Variants in DSTYK observed in about 807,000 individuals in gnomAD.
DSTYK encodes dual serine/threonine and tyrosine protein kinase.
Under a neutral mutation model 98.7 loss-of-function variants are expected in DSTYK, and 34 were observed. That is an observed-to-expected ratio of 0.34 (90% CI 0.26 to 0.46). The LOEUF (loss-of-function observed/expected upper bound fraction) is 0.46. Among genes scored for constraint, DSTYK ranks in the 20% least tolerant of loss-of-function variants. The probability of loss-of-function intolerance (pLI) is 1.00; values close to 1 mark genes in which losing one functional copy is unlikely to be tolerated. For missense variants in DSTYK, 962 were observed against 1,181.7 expected, an observed-to-expected ratio of 0.81 and a Z score of 2.73; for synonymous variants, 462 against 457.3, an observed-to-expected ratio of 1.01 and a Z score of -0.13.
chr1:205,203,608 C>G (rs1659114425), intron 1 of DSTYK, among the ~76,000 whole-genome samples: 1 of 138,022 alleles, frequency 7.2e-6, no homozygotes. Flanking sequence ...CAGAATTTCC[C>G]AATGTTTTTT....
At position 205,158,439 on chromosome 1, in the gene DSTYK, T is replaced by C. The variant is rs16855191; in HGVS notation, c.2239-1053A>G. On this transcript the variant is annotated intron_variant, in intron 9 of 12. Transcript: ENST00000367162. ...AACAGACAAAAGAAACCTCTCTAAT[T>C]CCCTCTTGGTGGTTTAGATAAGGGA... 8.4e-3 allele frequency among the ~76,000 whole-genome samples: 1,278 copies of C among 151,934 alleles called. 21 individuals are homozygous for C. Among genetic ancestry groups the C allele is most frequent in the African/African-American group, 0.029 (1,217 of 41,432 alleles).
rs995117449 is a variant in DSTYK at position 205,145,529 on chromosome 1, T to G, written c.*2029A>C. ...TGCGACTCATCTTTGTTTTTTGTTT[T>G]TTTTTTTGTTTTTTTTTGAGATAGA... On this transcript the variant is annotated 3_prime_UTR_variant, in exon 13 of 13. Transcript: ENST00000367162. The G allele has an allele frequency of 1.5e-5, 2 of 132,340 alleles. No individual in the cohort carries two copies. The highest frequency in any genetic ancestry group is 2.8e-4 in the East Asian group (1 of 3,512). The allele number at this position is 132,340 out of a possible 1,614,324, so 8.2% of individuals were successfully genotyped here.
intron 1 of DSTYK, among the ~76,000 whole-genome samples, chr1:205,188,793 A>T (rs904746949): frequency 2.0e-5 from 3 of 152,238 alleles, no homozygotes; most frequent in Non-Finnish European, 4.4e-5. Context: ...ACAACGTCCC[A>T]GCTGCCAAGT....
rs550614751 is a variant in DSTYK, at chr1:205,186,997, A to G, written c.654+421T>C. On this transcript the variant is annotated intron_variant, in intron 2 of 12. Coordinates refer to ENST00000367162, the MANE Select transcript of DSTYK (RefSeq NM_015375.3). ...AATTCTTCACTTGGTCTCAATTCCA[A>G]TAAGAACAATACTCATCCATCATCT... Among the ~76,000 whole-genome samples, 4 of 152,358 alleles carry G rather than the reference A, an allele frequency of 2.6e-5. No homozygotes were observed. The East Asian group carries it at 5.8e-4, about 22-fold the overall frequency.
rs905032430 is a variant in DSTYK, at chr1:205,190,651, C to A, written c.266-2845G>T. On this transcript the variant is annotated intron_variant, in intron 1 of 12. Coordinates refer to ENST00000367162, the MANE Select transcript of DSTYK (RefSeq NM_015375.3). ...AAAAAAAAAAAACCCAAGAGTAGGA[C>A]CCTTCCATTCATCTTGTGGAATTTA... Among the ~76,000 whole-genome samples, 3 of 148,616 alleles carry A rather than the reference C, an allele frequency of 2.0e-5. No individual in the cohort carries two copies. The East Asian group carries it at 5.9e-4, about 29-fold the overall frequency.
At chr1:205,155,123 T>C (rs905350929) in intron 10 of DSTYK, among the ~76,000 whole-genome samples, 1 of 151,990 alleles carries the variant, frequency 6.6e-6, no homozygotes, top group African/African-American at 2.4e-5. Context: ...TAGCTGGGAC[T>C]ACAGGTGTGT....
intron 1 of DSTYK, among the ~76,000 whole-genome samples, chr1:205,195,010 A>G (rs1194248632): frequency 2.8e-5 from 3 of 107,166 alleles, no homozygotes; most frequent in Non-Finnish European, 5.8e-5. Flanking sequence ...TTTTTTTTGT[A>G]TAGACAGGAT....
At chr1:205,195,386 A>G (rs1658836915) in intron 1 of DSTYK, among the ~76,000 whole-genome samples, 1 of 152,226 alleles carries the variant, frequency 6.6e-6, no homozygotes, top group Non-Finnish European at 1.5e-5. Flanking sequence ...CAAGCTTCAA[A>G]GTACTAAGCT....
rs1657676684 is a variant in DSTYK, at chr1:205,160,241, G to A, written c.1978C>T (p.Arg660Trp). 3.7e-6 allele frequency: 6 copies of A among 1,614,008 alleles called. No homozygotes were observed. The highest frequency in any genetic ancestry group is 1.7e-5 in the Admixed American group (1 of 59,990). ...RKPKLGQELG[R>W]GQYGVVYLCD... ...AGGTATACCACACCATACTGGCCCC[G>A]GCCCAGTTCCTGTCCCAGTTTAGGT... Residue 660 changes from arginine (R) to tryptophan (W), a missense_variant, in exon 8 of 13, where the codon CGG becomes TGG. Coordinates refer to ENST00000367162, the MANE Select transcript of DSTYK (RefSeq NM_015375.3).
In DSTYK at chr1:205,142,886, C is replaced by G. The variant is rs1229556750; in HGVS notation, c.*4672G>C. The G allele has an allele frequency of 6.6e-6, 1 of 152,208 alleles. No individual in the cohort carries two copies. The highest frequency in any genetic ancestry group is 1.9e-4 in the East Asian group (1 of 5,194). 9.4% of individuals were successfully genotyped at this position (152,208 alleles called of 1,614,324 possible). On this transcript the variant is annotated 3_prime_UTR_variant, in exon 13 of 13. Transcript: ENST00000367162. Reference sequence around the variant, plus strand: ...ACAACAGGCTGCCCAGACCAATTTTCTTTTCAACTATCTGGGCAAGGTGGC... The same window carrying G: ...ACAACAGGCTGCCCAGACCAATTTTGTTTTCAACTATCTGGGCAAGGTGGC...
intron 2 of DSTYK, among the ~76,000 whole-genome samples, chr1:205,175,376 G>A (rs1658199441): frequency 6.6e-6 from 1 of 152,196 alleles, no homozygotes. Flanking sequence ...ACAGGCGTGA[G>A]CCACCGTGCC....
At position 205,169,613 on chromosome 1, in the gene DSTYK, A is replaced by T. The variant is rs1225386308; in HGVS notation, c.874T>A (p.Ser292Thr). 3 of 1,614,122 alleles carry T rather than the reference A, an allele frequency of 1.9e-6. No homozygotes were observed. The highest frequency in any genetic ancestry group is 2.5e-6 in the Non-Finnish European group (3 of 1,180,048). The change falls in exon 3 of 13, where the codon TCA (serine) becomes ACA (threonine). Residue 292 changes from serine to threonine, a missense_variant. Physicochemically the swap from Ser to Thr is moderately conservative, Grantham distance 58 (BLOSUM62 1). Around this residue, in one of 4 missense-constraint regions of DSTYK, gnomAD observed 660 missense variants for 855.0 expected, o/e 0.77. Coordinates refer to ENST00000367162, the MANE Select transcript of DSTYK (RefSeq NM_015375.3). The surrounding 1 kb of genome is among the most constrained non-coding windows in gnomAD (Gnocchi z 4.0). ...CTTTCGCTCTCCATTCTCCTGGTTG[A>T]GGAGTCTATTATCTCCGAGCCCAGT... Reference protein sequence around the residue: ...PKLGSEIIDSSTRRMESERSP... With the variant: ...PKLGSEIIDSTTRRMESERSP...
chr1:205,171,155 C>A (rs1658051454), intron 2 of DSTYK, among the ~76,000 whole-genome samples: 1 of 151,738 alleles, frequency 6.6e-6, no homozygotes, highest in Non-Finnish European at 1.5e-5. Context: ...AAGTGAGTTT[C>A]GAGAATGATC....
rs1657249104 is a variant in DSTYK, at chr1:205,146,745, G to T, written c.*813C>A. 1 of 151,480 alleles carries T rather than the reference G, an allele frequency of 6.6e-6. No homozygotes were observed. Among genetic ancestry groups the T allele is most frequent in the African/African-American group, 2.4e-5 (1 of 41,072 alleles). 9.4% of individuals were successfully genotyped at this position (151,480 alleles called of 1,614,324 possible). A position where few individuals can be genotyped will look rare whatever the true frequency, so the allele number is the denominator to read the frequency against. On this transcript the variant is annotated 3_prime_UTR_variant, in exon 13 of 13. Coordinates refer to ENST00000367162, the MANE Select transcript of DSTYK (RefSeq NM_015375.3). Reference sequence around the variant, plus strand: ...CACCACCACGCCCGGCTAATTTTTTGTATCTTTAGTAGAGACGGGGTTTCA... The same window carrying T: ...CACCACCACGCCCGGCTAATTTTTTTTATCTTTAGTAGAGACGGGGTTTCA...
At chr1:205,148,384 G>A (rs367954639) in intron 11 of DSTYK, 45 bp from the exon 12 acceptor site, 234 of 1,606,242 alleles carry the variant, frequency 1.5e-4, no homozygotes, top group Non-Finnish European at 1.9e-4. Flanking sequence ...CAGAGAGTCA[G>A]GCAGCAGCAT....
At position 205,179,261 on chromosome 1, in the gene DSTYK, A is replaced by T. The variant is rs545135135; in HGVS notation, c.654+8157T>A. ...AAGACAATGTTTAAACAGTCATTGA[A>T]GGCCCACTGTGTGTCAAGCACTGTC... On this transcript the variant is annotated intron_variant, in intron 2 of 12. Transcript: ENST00000367162. 3.3e-5 allele frequency among the ~76,000 whole-genome samples: 5 copies of T among 152,286 alleles called. No homozygotes were observed. In the East Asian group the frequency reaches 9.7e-4, roughly 29 times the overall value.
At position 205,210,623 on chromosome 1, in the gene DSTYK, G is replaced by A. The variant is rs150055633; in HGVS notation, c.265+648C>T. ...GAGTAGCTAGTTCTCCATTGGCTCA[G>A]GACCAAAATGATCCCTTCCCTCTCT... On this transcript the variant is annotated intron_variant, in intron 1 of 12. Transcript: ENST00000367162. 1.4e-4 allele frequency among the ~76,000 whole-genome samples: 22 copies of A among 152,300 alleles called. No homozygotes were observed. The East Asian group carries it at 4.2e-3, about 29-fold the overall frequency.
rs1657998100 is a variant in DSTYK, at chr1:205,169,713, A to G, written c.774T>C (p.Ser258=). 6.2e-7 allele frequency: 1 copy of G among 1,614,114 alleles called. No individual in the cohort carries two copies. Among genetic ancestry groups the G allele is most frequent in the Non-Finnish European group, 8.5e-7 (1 of 1,180,030 alleles). ...ITYALHKDEL[S]ERDEQELQEI... is the part of the protein sequence containing the mutation. The stretch of plus-strand genomic sequence containing the variant: ...CCTGAAGCTCTTGCTCATCCCTCTC[A>G]GAGAGTTCATCTTTGTGGAGTGCAT... Residue 258 remains serine (S), a synonymous_variant, in exon 3 of 13, where the codon TCT becomes TCC. Coordinates refer to ENST00000367162, the MANE Select transcript of DSTYK (RefSeq NM_015375.3). The surrounding 1 kb of genome is among the most constrained non-coding windows in gnomAD (Gnocchi z 4.0).
chr1:205,194,078 A>G (rs190875299), intron 1 of DSTYK, among the ~76,000 whole-genome samples: 2 of 152,348 alleles, frequency 1.3e-5, no homozygotes, highest in Admixed American at 1.3e-4. Context: ...TATTACCATT[A>G]GATCATGTCC....
Sources: gnomAD v4.1 joint callset for allele counts (sites outside exome capture counted in the v4.1 genomes callset) on GRCh38, gnomAD v4.1.1 for gene constraint, gnomAD v4.1.1 regional missense constraint, Gnocchi (gnomAD v3.1) non-coding constraint, MANE v1.5 for transcripts, NCBI Gene and HGNC (gene_info 2026-07-23, HGNC 2026-07-21) for gene names.